RYR2: variants seen among roughly 807,000 people sequenced by gnomAD.
RYR2 encodes the protein ryanodine receptor 2, also known as cardiac muscle ryanodine receptor-calcium release channel.
RYR2 carries 227 observed loss-of-function variants against 601.1 expected under a neutral mutation model. The observed-to-expected ratio is 0.38, with a 90% CI of 0.34 to 0.42. The LOEUF is 0.42. Among genes scored for constraint, RYR2 ranks in the 10% least tolerant of loss-of-function variants. The pLI, the probability that RYR2 is intolerant of heterozygous loss-of-function variation, is 1.00. For synonymous variants in RYR2, 2,223 were observed against 2,175.1 expected (o/e 1.02, Z -0.61); for missense variants, 4,646 against 6,156.5 (o/e 0.75, Z 8.21).
chr1:237,450,979 A>T (rs955523882), intron 14 of RYR2, among the ~76,000 whole-genome samples: 1 of 152,034 alleles, frequency 6.6e-6, no homozygotes, highest in Non-Finnish European at 1.5e-5. Flanking sequence ...TCCAGTAATC[A>T]TGTTTATATT....
At chr1:237,241,876 G>A (rs573140830) in intron 1 of RYR2, among the ~76,000 whole-genome samples, 1 of 152,298 alleles carries the variant, frequency 6.6e-6, no homozygotes, top group Admixed American at 6.5e-5. Flanking sequence ...ATAATGAGTA[G>A]TGAGGATGAA....
intron 12 of RYR2, among the ~76,000 whole-genome samples, chr1:237,436,579 C>CCAACTAT (rs1387229411): frequency 6.8e-6 from 1 of 147,772 alleles, no homozygotes; most frequent in Non-Finnish European, 1.5e-5. Flanking sequence ...TTCACAGTGA[C>CCAACTAT]CAACTATTCT....
chr1:237,604,787 T>C (rs1676917982), intron 35 of RYR2, among the ~76,000 whole-genome samples: 1 of 152,030 alleles, frequency 6.6e-6, no homozygotes, highest in South Asian at 2.1e-4. Flanking sequence ...GAGAATACTA[T>C]AAACACCTCT....
At chr1:237,332,686 C>T (rs773174205) in intron 3 of RYR2, among the ~76,000 whole-genome samples, 6 of 152,150 alleles carry the variant, frequency 3.9e-5, no homozygotes, top group Non-Finnish European at 7.4e-5. Flanking sequence ...TAGATAACAA[C>T]TTAGAACTAA....
intron 1 of RYR2, among the ~76,000 whole-genome samples, chr1:237,230,154 A>G (rs1359496460): frequency 6.6e-6 from 1 of 152,250 alleles, no homozygotes; most frequent in African/African-American, 2.4e-5. Context: ...TACTGGAAGG[A>G]CAGAATTAAA....
At chr1:237,147,031 G>A (rs2148790869) in intron 1 of RYR2, among the ~76,000 whole-genome samples, 1 of 152,204 alleles carries the variant, frequency 6.6e-6, no homozygotes, top group East Asian at 1.9e-4. Flanking sequence ...GATGATTAAT[G>A]CCTGGAAAAA....
chr1:237,782,366 G>T (rs189902059), intron 89 of RYR2, among the ~76,000 whole-genome samples: 2 of 152,070 alleles, frequency 1.3e-5, no homozygotes, highest in Admixed American at 1.3e-4. Context: ...ATTGATATGA[G>T]AATTCAGTGG....
At chr1:237,585,294 A>T (rs1260566981) in intron 29 of RYR2, among the ~76,000 whole-genome samples, 1 of 152,150 alleles carries the variant, frequency 6.6e-6, no homozygotes, top group Admixed American at 6.5e-5. Flanking sequence ...ATTTAAACTA[A>T]GATTTTGGTT....
At chr1:237,635,466 T>C (rs1401109569) in intron 44 of RYR2, among the ~76,000 whole-genome samples, 2 of 152,214 alleles carry the variant, frequency 1.3e-5, no homozygotes, top group African/African-American at 4.8e-5. Flanking sequence ...ACATATACTT[T>C]ATTCCAGCAC....
chr1:237,205,906 C>T (rs1208331289), intron 1 of RYR2, among the ~76,000 whole-genome samples: 2 of 152,174 alleles, frequency 1.3e-5, no homozygotes, highest in African/African-American at 4.8e-5. Flanking sequence ...TGCAGGACAA[C>T]TGGAAGCCGT....
intron 24 of RYR2, among the ~76,000 whole-genome samples, chr1:237,523,604 G>A (rs1667296456): frequency 1.3e-5 from 2 of 152,062 alleles, no homozygotes; most frequent in South Asian, 4.2e-4. Context: ...GCACGTGGTG[G>A]CAGGCGCCTG....
At chr1:237,825,906 CAT>C (rs1369724574) in intron 101 of RYR2, among the ~76,000 whole-genome samples, 3 of 152,142 alleles carry the variant, frequency 2.0e-5, no homozygotes, top group African/African-American at 7.2e-5. Flanking sequence ...AGCCAACAAA[CAT>C]ATGAAAAATA....
Position 237,128,713 on chromosome 1 carries a change from G to A in RYR2, c.48+86144G>A, listed in dbSNP as rs9943238. ...ACTGAATGGCAGGGATTGGGAGGTC[G>A]GGATGGGAAGGACCAAAATACAATC... On this transcript the variant is annotated intron_variant, in intron 1 of 104. Transcript: ENST00000366574. Among the ~76,000 whole-genome samples the A allele has an allele frequency of 4.0e-3, 608 of 152,266 alleles. 3 individuals are homozygous for A. Among genetic ancestry groups the A allele is most frequent in the African/African-American group, 0.014 (592 of 41,556 alleles).
chr1:237,101,978 T>G (rs533438867), intron 1 of RYR2, among the ~76,000 whole-genome samples: 2 of 152,196 alleles, frequency 1.3e-5, no homozygotes, highest in African/African-American at 4.8e-5. Flanking sequence ...ATCAAATGAG[T>G]GCCTTGTGGG....
intron 1 of RYR2, among the ~76,000 whole-genome samples, chr1:237,104,322 G>A (rs546012652): frequency 6.6e-6 from 1 of 152,064 alleles, no homozygotes; most frequent in South Asian, 2.1e-4. Context: ...CCCTGCCAAG[G>A]ACGTTTCCTT....
chr1:237,158,014 C>A (rs1013586451), intron 1 of RYR2, among the ~76,000 whole-genome samples: 1 of 152,108 alleles, frequency 6.6e-6, no homozygotes, highest in East Asian at 1.9e-4. Flanking sequence ...GTATGTACAA[C>A]TATTATGTAT....
chr1:237,791,699 T>C (rs1337403391), intron 93 of RYR2, 184 bp downstream of exon 93: 1 of 579,912 alleles, frequency 1.7e-6, no homozygotes, highest in African/African-American at 1.9e-5. Flanking sequence ...TCCTGAGAAG[T>C]GAGAAATGCC....
Position 237,188,635 on chromosome 1 carries a change from G to A in RYR2, c.49-81862G>A, listed in dbSNP as rs182429729. On this transcript the variant is annotated intron_variant, in intron 1 of 104. Coordinates refer to ENST00000366574, the MANE Select transcript of RYR2 (RefSeq NM_001035.3). ...GGCTGGAGTGCAGTGGCACGATCTCGGCTCACTGCAACCTCTACCTCCCAG... is the reference window on the plus strand; with the variant it reads ...GGCTGGAGTGCAGTGGCACGATCTCAGCTCACTGCAACCTCTACCTCCCAG... Among the ~76,000 whole-genome samples, 21 of 151,716 alleles carry A rather than the reference G, an allele frequency of 1.4e-4. No individual in the cohort carries two copies. The East Asian group carries it at 3.5e-3, about 25-fold the overall frequency.
At chr1:237,529,823 C>T (rs910782911) in intron 24 of RYR2, among the ~76,000 whole-genome samples, 8 of 147,692 alleles carry the variant, frequency 5.4e-5, no homozygotes, top group African/African-American at 2.0e-4. Context: ...TTAGTAGGTA[C>T]ATAGACTCCC....
Sources: allele counts gnomAD v4.1 joint callset (sites outside exome capture counted in the v4.1 genomes callset), GRCh38; gene constraint gnomAD v4.1.1; transcripts MANE v1.5; gene names NCBI Gene and HGNC (gene_info 2026-07-23, HGNC 2026-07-21).